Variants in ABCG1 observed in about 807,000 individuals in gnomAD.
ABCG1 encodes ATP-binding cassette sub-family G member 1.
In ABCG1, 29 loss-of-function variants were observed where a neutral mutation model predicts 69.2. The observed-to-expected ratio is 0.42, with a 90% CI of 0.31 to 0.57. ABCG1 has a LOEUF of 0.57. Ranked by LOEUF, ABCG1 falls within the 20% of genes least tolerant of loss-of-function variation. The pLI, the probability that ABCG1 is intolerant of heterozygous loss-of-function variation, is 0.15. For missense variants in ABCG1, 718 were observed against 898.1 expected (o/e 0.80, Z 2.56); for synonymous variants, 370 against 374.8 (o/e 0.99, Z 0.15).
chr21:42,232,557 C>T (rs933194456), intron 2 of ABCG1, among the ~76,000 whole-genome samples: 2 of 152,196 alleles, frequency 1.3e-5, no homozygotes, highest in African/African-American at 4.8e-5. Flanking sequence ...AACCATCTGG[C>T]CCCTTCAGTG....
intron 8 of ABCG1, among the ~76,000 whole-genome samples, chr21:42,286,834 T>C (rs450808): frequency 0.76 from 115,813 of 152,112 alleles, 44,332 homozygotes; most frequent in Admixed American, 0.83. Flanking sequence ...CTCAATGTCG[T>C]CTGACCAGAG....
At chr21:42,217,375 G>A (rs144707416), upstream of ABCG1, among the ~76,000 whole-genome samples, 385 of 152,152 alleles carry the variant, frequency 2.5e-3, 5 homozygotes, top group African/African-American at 8.2e-3. Context: ...GCTGTGTTCC[G>A]TGCCTCCTCT....
upstream of ABCG1, among the ~76,000 whole-genome samples, chr21:42,211,901 C>A (rs2067593230): frequency 6.6e-6 from 1 of 151,748 alleles, no homozygotes; most frequent in Non-Finnish European, 1.5e-5. Flanking sequence ...AAACAAAAAT[C>A]AAAAAACAAA....
At chr21:42,295,774 G>A (rs2069196712) in intron 14 of ABCG1, among the ~76,000 whole-genome samples, 1 of 152,166 alleles carries the variant, frequency 6.6e-6, no homozygotes, top group Non-Finnish European at 1.5e-5. Flanking sequence ...GGGAGAGAGG[G>A]GGCAGGAATG....
At position 42,290,158 on chromosome 21, in the gene ABCG1, T is replaced by C; in HGVS notation, c.1333T>C (p.Phe445Leu). 1.9e-6 allele frequency: 3 copies of C among 1,614,196 alleles called. No individual in the cohort carries two copies. Among genetic ancestry groups the C allele is most frequent in the Non-Finnish European group, 2.5e-6 (3 of 1,180,046 alleles). ...EAKKVLSNSGFLFFSMLFLMF... is the reference protein window; with the variant it reads ...EAKKVLSNSGLLFFSMLFLMF... ...CAAGAAGGTCTTGAGCAACTCCGGC[T>C]TCCTCTTCTTCTCCATGCTGTTCCT... The change falls in exon 11 of 15, where the codon TTC (phenylalanine) becomes CTC (leucine). Residue 445 changes from phenylalanine (F) to leucine (L), a missense_variant. Around this residue, in one of 2 missense-constraint regions of ABCG1, gnomAD observed 204 missense variants for 323.8 expected, o/e 0.63. Coordinates refer to ENST00000398449, the MANE Select transcript of ABCG1 (RefSeq NM_016818.3).
In ABCG1 at chr21:42,273,237, C is replaced by T. The variant is rs986902685; in HGVS notation, c.405-66C>T. The T allele has an allele frequency of 6.4e-7, 1 of 1,558,822 alleles. No homozygotes were observed. Among genetic ancestry groups the T allele is most frequent in the Admixed American group, 1.8e-5 (1 of 55,410 alleles). Reference sequence around the variant, plus strand: ...AGCCCCCGTCTCTGGCTCCCCTCTCCTGCCCCGGGAGGTGGAGGAGGAGCA... The same window carrying T: ...AGCCCCCGTCTCTGGCTCCCCTCTCTTGCCCCGGGAGGTGGAGGAGGAGCA... On this transcript the variant is annotated intron_variant, in intron 3 of 14. Coordinates refer to ENST00000398449, the MANE Select transcript of ABCG1 (RefSeq NM_016818.3). This position sits in a 1 kb window ranked among gnomAD's most constrained non-coding sequence, Gnocchi z 5.3.
At chr21:42,252,015 C>A (rs2068230151) in intron 2 of ABCG1, among the ~76,000 whole-genome samples, 1 of 152,232 alleles carries the variant, frequency 6.6e-6, no homozygotes, top group Non-Finnish European at 1.5e-5. Context: ...CCTGACCATG[C>A]CATTGGGTTG....
rs557310501 is a variant in ABCG1, at chr21:42,287,015, G to A, written c.974-874G>A. 3.5e-4 allele frequency among the ~76,000 whole-genome samples: 54 copies of A among 152,320 alleles called. No individual in the cohort carries two copies. Among genetic ancestry groups the A allele is most frequent in the African/African-American group, 1.2e-3 (51 of 41,572 alleles). On this transcript the variant is annotated intron_variant, in intron 8 of 14. Coordinates refer to ENST00000398449, the MANE Select transcript of ABCG1 (RefSeq NM_016818.3). This position sits in a 1 kb window ranked among gnomAD's most constrained non-coding sequence, Gnocchi z 6.2. ...TCATCTAGGAGGTGTGGTGGCCTCC[G>A]TACCAGCTGGGAGGAAGCGGGTAGC...
intron 2 of ABCG1, chr21:42,256,118 C>T: frequency 2.2e-6 from 3 of 1,342,336 alleles, no homozygotes; most frequent in Non-Finnish European, 1.9e-6. Context: ...GGCCCGTGAC[C>T]TTCCCAAGCC....
At chr21:42,242,051 A>C (rs1366698716) in intron 2 of ABCG1, among the ~76,000 whole-genome samples, 2 of 152,084 alleles carry the variant, frequency 1.3e-5, no homozygotes, top group African/African-American at 2.4e-5. Context: ...TGCCATTGAA[A>C]GCACAAAACA....
intron 2 of ABCG1, among the ~76,000 whole-genome samples, chr21:42,264,541 T>C (rs1365149816): frequency 6.6e-6 from 1 of 151,968 alleles, no homozygotes; most frequent in African/African-American, 2.4e-5. Flanking sequence ...ATTCATCCAT[T>C]CATCCATCCA....
At chr21:42,202,978 C>T (rs958345246) in intron 2 of ABCG1, among the ~76,000 whole-genome samples, 1 of 152,092 alleles carries the variant, frequency 6.6e-6, no homozygotes, top group Non-Finnish European at 1.5e-5. Context: ...GACACAAAGA[C>T]CAATGGAACA....
chr21:42,268,684 C>G (rs533108572), intron 2 of ABCG1, among the ~76,000 whole-genome samples: 1 of 152,296 alleles, frequency 6.6e-6, no homozygotes, highest in Non-Finnish European at 1.5e-5. Context: ...CTGCTGGACC[C>G]CATGAGGGCC....
intron 2 of ABCG1, among the ~76,000 whole-genome samples, chr21:42,270,233 A>G (rs1040477418): frequency 1.6e-5 from 2 of 128,304 alleles, no homozygotes; most frequent in African/African-American, 6.1e-5. Context: ...GCACTCTAGC[A>G]TGGGCGACAG....
At chr21:42,260,095 G>A in intron 2 of ABCG1, 2 of 1,550,650 alleles carry the variant, frequency 1.3e-6, no homozygotes, top group Admixed American at 3.9e-5. Flanking sequence ...CATGGGGCAG[G>A]AAGGGCCTAT....
rs1569236471 is a variant in ABCG1, at chr21:42,283,720, A to AGATGAGTGGGGACCCCC, written c.735-840_735-839insGATGAGTGGGGACCCCC. Among the ~76,000 whole-genome samples the AGATGAGTGGGGACCCCC allele has an allele frequency of 1.7e-4, 3 of 17,958 alleles. 1 individual carries two copies. The highest frequency in any genetic ancestry group is 1.2e-3 in the African/African-American group (3 of 2,574). The allele number at this position is 17,958 out of a possible 152,430, so 11.8% of individuals were successfully genotyped here. ...CCTGGACAGTTGTGAAGTACCACCC[A>AGATGAGTGGGGACCCCC]CCACCCAGATGAGTGGGGACCCCCC... On this transcript the variant is annotated intron_variant, in intron 6 of 14. Transcript: ENST00000398449.
chr21:42,288,337 G>A lies in ABCG1; in HGVS notation c.1224+25G>A. ...GGTAAGGCTGCCCGCATCTTCTCCTGTAGCTGGGGAACCCGTGGGTCATTT... is the reference window on the plus strand; with the variant it reads ...GGTAAGGCTGCCCGCATCTTCTCCTATAGCTGGGGAACCCGTGGGTCATTT... On this transcript the variant is annotated intron_variant, in intron 10 of 14. Coordinates refer to ENST00000398449, the MANE Select transcript of ABCG1 (RefSeq NM_016818.3). The surrounding 1 kb of genome is among the most constrained non-coding windows in gnomAD (Gnocchi z 4.8). 6.4e-7 allele frequency: 1 copy of A among 1,558,792 alleles called. No homozygotes were observed. Among genetic ancestry groups the A allele is most frequent in the Non-Finnish European group, 8.8e-7 (1 of 1,130,640 alleles).
chr21:42,215,874 G>T (rs761971927), upstream of ABCG1, among the ~76,000 whole-genome samples: 1 of 152,212 alleles, frequency 6.6e-6, no homozygotes, highest in African/African-American at 2.4e-5. Context: ...TGCTAATGGT[G>T]ACAACACTTA....
intron 4 of ABCG1, among the ~76,000 whole-genome samples, chr21:42,275,777 G>A (rs2068698727): frequency 6.6e-6 from 1 of 152,242 alleles, no homozygotes; most frequent in Non-Finnish European, 1.5e-5. Context: ...ATACTCTGAG[G>A]CTATGGTACA....
Sources: allele counts gnomAD v4.1 joint callset (sites outside exome capture counted in the v4.1 genomes callset), GRCh38; gene constraint gnomAD v4.1.1; regional missense constraint gnomAD v4.1.1; non-coding constraint Gnocchi (gnomAD v3.1); transcripts MANE v1.5; gene names NCBI Gene and HGNC (gene_info 2026-07-23, HGNC 2026-07-21).